Variants in TRPV3 observed in about 807,000 individuals in gnomAD.
TRPV3 encodes the protein VRL-3.
TRPV3 carries 88 observed loss-of-function variants against 87.1 expected under a neutral mutation model. That is an observed-to-expected ratio of 1.01 (90% CI 0.85 to 1.21). TRPV3 has a LOEUF of 1.21. Among genes scored for constraint, TRPV3 ranks in the 50% most tolerant of loss-of-function variants. The pLI is 0.00. For missense variants in TRPV3, 1,054 were observed against 1,030.1 expected, an observed-to-expected ratio of 1.02 and a Z score of -0.32; for synonymous variants, 438 against 423.3, an observed-to-expected ratio of 1.03 and a Z score of -0.43.
intron 9 of TRPV3, among the ~76,000 whole-genome samples, chr17:3,529,460 AAAG>A (rs1240572404): frequency 6.6e-6 from 1 of 152,072 alleles, no homozygotes; most frequent in Non-Finnish European, 1.5e-5. Context: ...GACTCTTAGT[AAAG>A]TATGAAGGAG....
rs2074205175 is a variant in TRPV3 at position 3,518,640 on chromosome 17, A to G, written c.2021T>C (p.Ile674Thr). 10 of 1,592,172 alleles carry G rather than the reference A, an allele frequency of 6.3e-6. No homozygotes were observed. Among genetic ancestry groups the G allele is most frequent in the Non-Finnish European group, 8.6e-6 (10 of 1,168,892 alleles). ...CTCCACAGTCTCGCCCATCAGAGCA[A>G]TGAGCATGTTGAGGAGGAGAACAAA... ...LTFVLLLNML[I>T]ALMGETVENV... The change falls in exon 15 of 18, where the codon ATT (isoleucine) becomes ACT (threonine). Residue 674 changes from isoleucine (I) to threonine (T), a missense_variant. Coordinates refer to ENST00000576742, the MANE Select transcript of TRPV3 (RefSeq NM_145068.4). The surrounding 1 kb of genome is among the most constrained non-coding windows in gnomAD (Gnocchi z 4.3).
intron 14 of TRPV3, among the ~76,000 whole-genome samples, chr17:3,520,148 A>AT (rs778319985): frequency 1.4e-4 from 22 of 152,096 alleles, no homozygotes; most frequent in Non-Finnish European, 1.2e-4. Context: ...CAGCTACTTA[A>AT]TTTCAAATGT....
At chr17:3,537,924 C>A (rs1227023492) in intron 6 of TRPV3, among the ~76,000 whole-genome samples, 2 of 143,454 alleles carry the variant, frequency 1.4e-5, no homozygotes, top group African/African-American at 5.2e-5. Flanking sequence ...GCATGCCAGG[C>A]ACGGTGGCTC....
In TRPV3 at chr17:3,535,646, G is replaced by T; in HGVS notation, c.711C>A (p.Ala237=). The T allele has an allele frequency of 6.2e-7, 1 of 1,608,134 alleles. No individual in the cohort carries two copies. The highest frequency in any genetic ancestry group is 8.5e-7 in the Non-Finnish European group (1 of 1,178,216). ...TGGCGTGCGCGTTGACGTCGGCGCC[G>T]GCGGCGATGAGCAGGGCTGCGATGT... is the stretch of plus-strand genomic sequence containing the variant. ...QGDIAALLIA[A]GADVNAHAKG... is the part of the protein sequence containing the mutation. The change falls in exon 7 of 18, where the codon GCC becomes GCA. Residue 237 remains alanine (A), a synonymous_variant. Coordinates refer to ENST00000576742, the MANE Select transcript of TRPV3 (RefSeq NM_145068.4).
chr17:3,543,351 C>A (rs953719051), intron 5 of TRPV3, 123 bp downstream of exon 5: 3 of 1,309,772 alleles, frequency 2.3e-6, no homozygotes, highest in African/African-American at 2.9e-5. Context: ...TTCAAAGTCC[C>A]TAGCCAGAAT....
chr17:3,532,581 C>G (rs1443064149), intron 8 of TRPV3, 76 bp downstream of exon 8: 5 of 1,535,016 alleles, frequency 3.3e-6, no homozygotes, highest in East Asian at 2.3e-5. Flanking sequence ...CCCAGTAAGG[C>G]CCCCGGGGCT....
intron 13 of TRPV3, among the ~76,000 whole-genome samples, chr17:3,522,645 C>T (rs995389937): frequency 2.0e-5 from 3 of 147,360 alleles, no homozygotes; most frequent in Non-Finnish European, 4.5e-5. Context: ...CATGGCGAAA[C>T]CCCATCTCTA....
Position 3,518,929 on chromosome 17 carries a change from T to C in TRPV3, c.1811-79A>G. On this transcript the variant is annotated intron_variant, in intron 14 of 17. Transcript: ENST00000576742. The surrounding 1 kb of genome is among the most constrained non-coding windows in gnomAD (Gnocchi z 4.3). ...ACAAGCTTGCGTGTATTTGCCTACA[T>C]GACAAGCCTGCTGCCTCCTTCTCTC... 4 of 1,451,796 alleles carry C rather than the reference T, an allele frequency of 2.8e-6. No homozygotes were observed. The highest frequency in any genetic ancestry group is 3.7e-6 in the Non-Finnish European group (4 of 1,076,208). The allele number at this position is 1,451,796 out of a possible 1,614,324, so 89.9% of individuals were successfully genotyped here.
intron 9 of TRPV3, 106 bp downstream of exon 9, chr17:3,529,921 G>A (rs776317241): frequency 2.1e-5 from 28 of 1,331,174 alleles, no homozygotes; most frequent in Admixed American, 9.2e-5. Context: ...TGCAGATGCC[G>A]AGGGATGGAG....
intron 12 of TRPV3, among the ~76,000 whole-genome samples, chr17:3,525,313 C>T (rs1478331710): frequency 6.6e-6 from 1 of 152,152 alleles, no homozygotes; most frequent in Admixed American, 6.5e-5. Flanking sequence ...AGCCAACGCG[C>T]CCAGCATTAA....
At chr17:3,526,712 G>T in intron 12 of TRPV3, 142 bp downstream of exon 12, 1 of 666,584 alleles carries the variant, frequency 1.5e-6, no homozygotes. Context: ...GAAGAGAGGA[G>T]ACCCCTGGCG....
At chr17:3,522,991 TG>T (rs149497370) in intron 13 of TRPV3, among the ~76,000 whole-genome samples, 1 of 152,086 alleles carries the variant, frequency 6.6e-6, no homozygotes. Flanking sequence ...CAGGCATTCA[TG>T]GGGGGTCTTA....
Position 3,535,648 on chromosome 17 carries a change from C to G in TRPV3, c.709G>C (p.Ala237Pro). ...QGDIAALLIA[A>P]GADVNAHAKG... ...GCGTGCGCGTTGACGTCGGCGCCGG[C>G]GGCGATGAGCAGGGCTGCGATGTCC... Residue 237 changes from alanine (A) to proline (P), a missense_variant, in exon 7 of 18, where the codon GCC becomes CCC. By Grantham distance (27) the Ala-to-Pro change is conservative. Transcript: ENST00000576742. The G allele has an allele frequency of 6.2e-7, 1 of 1,607,560 alleles. No individual in the cohort carries two copies. The highest frequency in any genetic ancestry group is 8.5e-7 in the Non-Finnish European group (1 of 1,177,934).
intron 13 of TRPV3, 109 bp downstream of exon 13, chr17:3,524,089 C>T: frequency 1.4e-6 from 2 of 1,391,190 alleles, no homozygotes; most frequent in Non-Finnish European, 2.0e-6. Context: ...GGAGAAAGAG[C>T]AGTGACCTGC....
Position 3,513,417 on chromosome 17 carries a change from T to TC in TRPV3, c.*499dup, listed in dbSNP as rs1450279720. The TC allele has an allele frequency of 6.5e-6, 1 of 153,492 alleles. No individual in the cohort carries two copies. Among genetic ancestry groups the TC allele is most frequent in the African/African-American group, 2.4e-5 (1 of 41,342 alleles). The allele number at this position is 153,492 out of a possible 1,614,324, so 9.5% of individuals were successfully genotyped here. ...CCCCAGGATATCCAGCTTACCTCCGTCCCCCGCACACTCTGGGATGGGATC... is the reference window on the plus strand; with the variant it reads ...CCCCAGGATATCCAGCTTACCTCCGTCCCCCCGCACACTCTGGGATGGGATC... On this transcript the variant is annotated 3_prime_UTR_variant, in exon 18 of 18. Transcript: ENST00000576742.
Position 3,522,104 on chromosome 17 carries a change from T to G in TRPV3, c.1744-1065A>C, listed in dbSNP as rs536035992. On this transcript the variant is annotated intron_variant, in intron 13 of 17. Transcript: ENST00000576742. The stretch of plus-strand genomic sequence containing the variant: ...AAATTAATTAATTAATTAATTTAAT[T>G]AAATAAAACAAAGACAATAAATGTT... 3.6e-4 allele frequency among the ~76,000 whole-genome samples: 55 copies of G among 152,242 alleles called. 1 individual carries two copies. The highest frequency in any genetic ancestry group is 1.3e-3 in the African/African-American group (52 of 41,526).
chr17:3,513,812 A>G lies in TRPV3; in HGVS notation c.*105T>C. 1.0e-6 allele frequency: 1 copy of G among 965,344 alleles called. No homozygotes were observed. Among genetic ancestry groups the G allele is most frequent in the East Asian group, 2.4e-5 (1 of 41,534 alleles). 59.8% of individuals were successfully genotyped at this position (965,344 alleles called of 1,614,324 possible). Reference sequence around the variant, plus strand: ...CGAGGGTGCACTCTGCTTCTAGGCCAGCAGAGCCGGACTCCACCATCCCTC... The same window carrying G: ...CGAGGGTGCACTCTGCTTCTAGGCCGGCAGAGCCGGACTCCACCATCCCTC... On this transcript the variant is annotated 3_prime_UTR_variant, in exon 18 of 18. Coordinates refer to ENST00000576742, the MANE Select transcript of TRPV3 (RefSeq NM_145068.4).
chr17:3,516,632 C>A (rs1482766680), intron 15 of TRPV3, 63 bp from the exon 16 acceptor site: 1 of 1,238,292 alleles, frequency 8.1e-7, no homozygotes, highest in African/African-American at 1.5e-5. Flanking sequence ...CAAGGGCACA[C>A]ACACTGTCGG....
At position 3,544,663 on chromosome 17, in the gene TRPV3, A is replaced by C. The variant is rs1409932624; in HGVS notation, c.227T>G (p.Ile76Ser). Residue 76 changes from isoleucine to serine, a missense_variant and splice_region_variant, in exon 4 of 18, where the codon ATC becomes AGC. Coordinates refer to ENST00000576742, the MANE Select transcript of TRPV3 (RefSeq NM_145068.4). Reference sequence around the variant, plus strand: ...GTCCATGTCATCACAGTTACCAGAGATGCTGGAGGTGTTGGCAGGGGGAAC... The same window carrying C: ...GTCCATGTCATCACAGTTACCAGAGCTGCTGGAGGTGTTGGCAGGGGGAAC... ...KPMDSNIRQC[I>S]SGNCDDMDSP... is the part of the protein sequence containing the mutation. 6.2e-7 allele frequency: 1 copy of C among 1,608,416 alleles called. No homozygotes were observed. The highest frequency in any genetic ancestry group is 8.5e-7 in the Non-Finnish European group (1 of 1,178,422).
Sources: allele counts gnomAD v4.1 joint callset (sites outside exome capture counted in the v4.1 genomes callset), GRCh38; gene constraint gnomAD v4.1.1; non-coding constraint Gnocchi (gnomAD v3.1); transcripts MANE v1.5; gene names NCBI Gene and HGNC (gene_info 2026-07-23, HGNC 2026-07-21).